Variants in CNTN6 observed in about 807,000 individuals in gnomAD.
CNTN6 encodes contactin-6.
A neutral mutation model predicts 122.8 loss-of-function variants in CNTN6; 137 were observed. That is an observed-to-expected ratio of 1.12 (90% CI 0.97 to 1.29). The LOEUF is 1.29. Among genes scored for constraint, CNTN6 ranks in the 50% most tolerant of loss-of-function variants. The probability of loss-of-function intolerance (pLI) is 0.00; values close to 1 mark genes in which losing one functional copy is unlikely to be tolerated. For missense variants in CNTN6, 1,634 were observed against 1,223.4 expected (o/e 1.34, Z -5.01); for synonymous variants, 570 against 426.0 (o/e 1.34, Z -4.16).
chr3:1,330,047 G>A, intron 11 of CNTN6, 112 bp downstream of exon 11: 1 of 709,508 alleles, frequency 1.4e-6, no homozygotes. Flanking sequence ...AAGTCTCATT[G>A]GCATACCTAG....
intron 4 of CNTN6, among the ~76,000 whole-genome samples, chr3:1,255,027 C>A (rs60563806): frequency 0.074 from 11,197 of 152,062 alleles, 754 homozygotes; most frequent in South Asian, 0.31. Flanking sequence ...GGGGCAACTG[C>A]AGTGATTTAT....
intron 7 of CNTN6, among the ~76,000 whole-genome samples, chr3:1,302,860 T>C (rs1359285457): frequency 6.6e-6 from 1 of 152,184 alleles, no homozygotes; most frequent in Non-Finnish European, 1.5e-5. Flanking sequence ...TGTTTGTTTT[T>C]TTCTCCTTTT....
chr3:1,332,363 G>A (rs926382340), intron 11 of CNTN6, among the ~76,000 whole-genome samples: 1 of 151,934 alleles, frequency 6.6e-6, no homozygotes, highest in Non-Finnish European at 1.5e-5. Flanking sequence ...GCTGTTTGTT[G>A]AGAAATACAG....
chr3:1,390,020 G>A (rs1301751343), intron 20 of CNTN6, among the ~76,000 whole-genome samples: 1 of 151,586 alleles, frequency 6.6e-6, no homozygotes, highest in Non-Finnish European at 1.5e-5. Context: ...AAGTCAACAA[G>A]GATACCCAGG....
chr3:1,095,164 C>G (rs1035847716), intron 1 of CNTN6, among the ~76,000 whole-genome samples: 3 of 136,028 alleles, frequency 2.2e-5, no homozygotes, highest in African/African-American at 1.1e-4. Context: ...AGATCTTATC[C>G]TACACTTAAA....
In CNTN6 at chr3:1,392,027, A is replaced by C. The variant is rs1402489092; in HGVS notation, c.2704+6230A>C. ...TGCCATCCCCACCAAGCCACCAATG[A>C]CTTTCTTCACAGAATTGGAAAAAAC... On this transcript the variant is annotated intron_variant, in intron 20 of 22. Transcript: ENST00000446702. 1.3e-5 allele frequency among the ~76,000 whole-genome samples: 2 copies of C among 152,286 alleles called. 1 individual carries two copies. Among genetic ancestry groups the C allele is most frequent in the South Asian group, 4.1e-4 (2 of 4,832 alleles).
intron 2 of CNTN6, among the ~76,000 whole-genome samples, chr3:1,156,665 T>C (rs1470052096): frequency 8.8e-6 from 1 of 113,332 alleles, no homozygotes; most frequent in Non-Finnish European, 1.7e-5. Context: ...CTCTTTCCCT[T>C]CCTTCCTTCC....
chr3:1,335,046 A>G (rs1038802660), intron 11 of CNTN6, among the ~76,000 whole-genome samples: 1 of 152,134 alleles, frequency 6.6e-6, no homozygotes, highest in African/African-American at 2.4e-5. Context: ...TTCTTATGAT[A>G]ATGTTTTTCT....
At chr3:1,292,717 A>C (rs545615652) in intron 5 of CNTN6, among the ~76,000 whole-genome samples, 1 of 152,082 alleles carries the variant, frequency 6.6e-6, no homozygotes, top group Non-Finnish European at 1.5e-5. Flanking sequence ...CCTTTCTGAC[A>C]CTCTTCTTAT....
rs148054723 is a variant in CNTN6, at chr3:1,212,248, A to T, written c.56-8439A>T. ...AGTTCTTGCCTTACTGCCAAATAAA[A>T]CTTGTTTTTTTTTTTTTTTTTTGAG... is the stretch of plus-strand genomic sequence containing the variant. On this transcript the variant is annotated intron_variant, in intron 2 of 22. Coordinates refer to ENST00000446702, the MANE Select transcript of CNTN6 (RefSeq NM_001289080.2). Among the ~76,000 whole-genome samples, 544 of 132,214 alleles carry T rather than the reference A, an allele frequency of 4.1e-3. 2 individuals are homozygous for T. Among genetic ancestry groups the T allele is most frequent in the African/African-American group, 0.015 (524 of 34,286 alleles). 86.7% of individuals were successfully genotyped at this position (132,214 alleles called of 152,430 possible).
chr3:1,322,070 A>G (rs79784984), intron 8 of CNTN6, among the ~76,000 whole-genome samples: 3,322 of 151,848 alleles, frequency 0.022, 115 homozygotes, highest in African/African-American at 0.075. Context: ...CCTTCAAAAT[A>G]TCAGCAGTGT....
chr3:1,245,187 A>G (rs2094543700), intron 4 of CNTN6, among the ~76,000 whole-genome samples: 1 of 87,490 alleles, frequency 1.1e-5, no homozygotes, highest in Non-Finnish European at 2.3e-5. Context: ...AAGTAGGGTA[A>G]AGAAAATGTG....
At chr3:1,221,263 G>C (rs1350426524) in intron 3 of CNTN6, among the ~76,000 whole-genome samples, 1 of 150,972 alleles carries the variant, frequency 6.6e-6, no homozygotes, top group African/African-American at 2.4e-5. Flanking sequence ...TGAAGAGAAA[G>C]GAAAAAAAAA....
intron 21 of CNTN6, 113 bp from the exon 22 acceptor site, chr3:1,402,205 A>C (rs1347396226): frequency 2.9e-6 from 2 of 698,266 alleles, no homozygotes; most frequent in Non-Finnish European, 4.5e-6. Flanking sequence ...TTTCCATCTG[A>C]GGAGTACAAC....
chr3:1,343,818 A>T (rs1173615357), intron 11 of CNTN6, among the ~76,000 whole-genome samples: 1 of 152,108 alleles, frequency 6.6e-6, no homozygotes, highest in African/African-American at 2.4e-5. Context: ...AAATCAAGCA[A>T]CTGCTCCTAA....
chr3:1,242,755 T>C (rs2094503278), intron 4 of CNTN6, among the ~76,000 whole-genome samples: 1 of 152,070 alleles, frequency 6.6e-6, no homozygotes, highest in Non-Finnish European at 1.5e-5. Flanking sequence ...GGGAAGCAGA[T>C]AATTTGGTTA....
chr3:1,188,531 C>CTGTT (rs2093659422), intron 2 of CNTN6, among the ~76,000 whole-genome samples: 2 of 152,308 alleles, frequency 1.3e-5, no homozygotes, highest in Admixed American at 6.5e-5. Context: ...TGTACACTTG[C>CTGTT]TGTTTCTGTG....
chr3:1,300,595 A>AAGAAAGAAAGAG (rs1316649681), intron 7 of CNTN6, among the ~76,000 whole-genome samples: 3 of 122,618 alleles, frequency 2.4e-5, no homozygotes, highest in Non-Finnish European at 5.0e-5. Context: ...GAAAGAAAGA[A>AAGAAAGAAAGAG]AGAAAGAAAG....
At position 1,348,078 on chromosome 3, in the gene CNTN6, TA is replaced by T. The variant is rs371456699; in HGVS notation, c.1365-4244del. Among the ~76,000 whole-genome samples, 1,077 of 147,852 alleles carry T rather than the reference TA, an allele frequency of 7.3e-3. 7 individuals are homozygous for T. Among genetic ancestry groups the T allele is most frequent in the Middle Eastern group, 0.032 (9 of 280 alleles). Reference sequence around the variant, plus strand: ...CTGCTAATGGAGTCCGGTACAGTGCTAAGCATTTTGAACGATTTATATCAAT... The same window carrying T: ...CTGCTAATGGAGTCCGGTACAGTGCTAGCATTTTGAACGATTTATATCAAT... On this transcript the variant is annotated intron_variant, in intron 11 of 22. Transcript: ENST00000446702.
Sources: gnomAD v4.1 joint callset for allele counts (sites outside exome capture counted in the v4.1 genomes callset) on GRCh38, gnomAD v4.1.1 for gene constraint, MANE v1.5 for transcripts, NCBI Gene and HGNC (gene_info 2026-07-23, HGNC 2026-07-21) for gene names.